TMTC2: variants seen among roughly 807,000 people sequenced by gnomAD.
The protein encoded by TMTC2 is transmembrane O-mannosyltransferase targeting cadherins 2, also known as protein O-mannosyl-transferase TMTC2.
TMTC2 carries 43 observed loss-of-function variants against 82.4 expected under a neutral mutation model. The ratio of observed to expected loss-of-function variants is 0.52; its 90% CI spans 0.41 to 0.67. The LOEUF (loss-of-function observed/expected upper bound fraction) is 0.67, where lower values mean the gene tolerates loss of function less well. Ranked by LOEUF, TMTC2 falls within the 30% of genes least tolerant of loss-of-function variation. The pLI is 0.00. For missense variants in TMTC2, 919 were observed against 1,012.4 expected (o/e 0.91, Z 1.25); for synonymous variants, 408 against 381.9 (o/e 1.07, Z -0.80).
intron 1 of TMTC2, among the ~76,000 whole-genome samples, chr12:82,725,339 AG>A: frequency 6.6e-6 from 1 of 152,152 alleles, no homozygotes; most frequent in Non-Finnish European, 1.5e-5. Flanking sequence ...TAATGCCTAA[AG>A]GAGTTTTTGT....
At chr12:82,936,887 A>AT (rs201515072) in intron 4 of TMTC2, among the ~76,000 whole-genome samples, 1 of 152,052 alleles carries the variant, frequency 6.6e-6, no homozygotes, top group Admixed American at 6.6e-5. Flanking sequence ...AATTGCACTG[A>AT]TTTTTTTAAA....
chr12:82,913,867 C>A (rs1874844356), intron 3 of TMTC2, among the ~76,000 whole-genome samples: 2 of 152,222 alleles, frequency 1.3e-5, no homozygotes, highest in Non-Finnish European at 1.5e-5. Context: ...CCTGCATACT[C>A]AATTCCCACA....
At chr12:82,877,647 A>G (rs1422810383) in intron 2 of TMTC2, among the ~76,000 whole-genome samples, 2 of 152,064 alleles carry the variant, frequency 1.3e-5, no homozygotes, top group Non-Finnish European at 2.9e-5. Flanking sequence ...ATAACACTAT[A>G]TTCTTCTCCT....
At chr12:82,916,004 A>G (rs1023249547) in intron 3 of TMTC2, among the ~76,000 whole-genome samples, 1 of 152,228 alleles carries the variant, frequency 6.6e-6, no homozygotes, top group African/African-American at 2.4e-5. Flanking sequence ...GACCAGCTTG[A>G]TCAACATAGA....
At chr12:82,887,087 C>G (rs1353181020) in intron 2 of TMTC2, among the ~76,000 whole-genome samples, 1 of 152,188 alleles carries the variant, frequency 6.6e-6, no homozygotes, top group Admixed American at 6.5e-5. Flanking sequence ...ATTACAACTA[C>G]TATCATTGCC....
At chr12:82,778,765 C>T (rs1877729871) in intron 1 of TMTC2, among the ~76,000 whole-genome samples, 1 of 131,302 alleles carries the variant, frequency 7.6e-6, no homozygotes, top group Non-Finnish European at 1.6e-5. Flanking sequence ...AGGAGAATGG[C>T]GTGAACCCGG....
At chr12:82,829,118 T>C (rs1565769075) in intron 1 of TMTC2, among the ~76,000 whole-genome samples, 1 of 152,220 alleles carries the variant, frequency 6.6e-6, no homozygotes, top group Non-Finnish European at 1.5e-5. Context: ...ACTTTTAATT[T>C]CCTGAGTACA....
chr12:82,923,124 A>C (rs1875490830), intron 3 of TMTC2, among the ~76,000 whole-genome samples: 1 of 151,814 alleles, frequency 6.6e-6, no homozygotes, highest in Non-Finnish European at 1.5e-5. Context: ...AGCTGTGCAC[A>C]GGATTCTTCC....
Position 82,876,226 on chromosome 12 carries a change from G to A in TMTC2, c.654+18646G>A, listed in dbSNP as rs573465622. On this transcript the variant is annotated intron_variant, in intron 2 of 11. Coordinates refer to ENST00000321196, the MANE Select transcript of TMTC2 (RefSeq NM_152588.3). The stretch of plus-strand genomic sequence containing the variant: ...TGTTTACCTTCCAGGTGGATATGAA[G>A]TGATTGACTTTGGCAGGTGGTAGTG... Among the ~76,000 whole-genome samples the A allele has an allele frequency of 1.1e-4, 16 of 149,892 alleles. No homozygotes were observed. The South Asian group carries it at 3.3e-3, about 31-fold the overall frequency.
chr12:82,970,008 G>T (rs1157127345), intron 7 of TMTC2, among the ~76,000 whole-genome samples: 3 of 152,124 alleles, frequency 2.0e-5, no homozygotes. Flanking sequence ...GTGTTAAATT[G>T]CTCCTAGCCA....
chr12:82,745,429 G>A (rs1875639655), intron 1 of TMTC2, among the ~76,000 whole-genome samples: 2 of 152,210 alleles, frequency 1.3e-5, no homozygotes, highest in African/African-American at 4.8e-5. Flanking sequence ...TTTGAAATGT[G>A]TTGACTGAAC....
chr12:83,025,149 A>T (rs1390333018), intron 8 of TMTC2, among the ~76,000 whole-genome samples: 1 of 152,084 alleles, frequency 6.6e-6, no homozygotes, highest in Non-Finnish European at 1.5e-5. Flanking sequence ...CTGAGATTGC[A>T]CTACTGCACT....
chr12:82,988,588 GT>G (rs1389033815), intron 8 of TMTC2, among the ~76,000 whole-genome samples: 112 of 151,962 alleles, frequency 7.4e-4, no homozygotes, highest in African/African-American at 2.6e-3. Flanking sequence ...GAGGAGGGGA[GT>G]GAAAAGAGGA....
intron 4 of TMTC2, among the ~76,000 whole-genome samples, chr12:82,957,516 A>G (rs1336774545): frequency 1.3e-5 from 2 of 152,168 alleles, no homozygotes; most frequent in East Asian, 1.9e-4. Context: ...GAAGAAAGGA[A>G]ATAACAAAAG....
intron 2 of TMTC2, among the ~76,000 whole-genome samples, chr12:82,885,491 T>A (rs1057181704): frequency 1.3e-5 from 2 of 152,018 alleles, no homozygotes; most frequent in Non-Finnish European, 2.9e-5. Flanking sequence ...TACCTCAGCC[T>A]CCTGAGTAGC....
At chr12:82,819,718 G>C (rs930946784) in intron 1 of TMTC2, among the ~76,000 whole-genome samples, 4 of 151,874 alleles carry the variant, frequency 2.6e-5, no homozygotes, top group Non-Finnish European at 5.9e-5. Flanking sequence ...GGCCAGGCTG[G>C]TCTCAAACTC....
chr12:82,911,186 G>T (rs1470389769), intron 3 of TMTC2, among the ~76,000 whole-genome samples: 1 of 151,888 alleles, frequency 6.6e-6, no homozygotes, highest in African/African-American at 2.4e-5. Flanking sequence ...GGCGGGTCTC[G>T]GGTTTTTACA....
intron 10 of TMTC2, among the ~76,000 whole-genome samples, chr12:83,059,279 C>T (rs1375776466): frequency 6.6e-6 from 1 of 151,752 alleles, no homozygotes; most frequent in Non-Finnish European, 1.5e-5. Context: ...ATTAAGTGCT[C>T]CCAGGATGCT....
intron 1 of TMTC2, among the ~76,000 whole-genome samples, chr12:82,833,966 T>A (rs943303491): frequency 5.9e-5 from 9 of 152,176 alleles, no homozygotes; most frequent in African/African-American, 1.7e-4. Context: ...AATATCTAAT[T>A]TAAAAACTTG....
Sources: gnomAD v4.1 joint callset for allele counts (sites outside exome capture counted in the v4.1 genomes callset) on GRCh38, gnomAD v4.1.1 for gene constraint, MANE v1.5 for transcripts, NCBI Gene and HGNC (gene_info 2026-07-23, HGNC 2026-07-21) for gene names.